PLPP3: variants seen among roughly 807,000 people sequenced by gnomAD.
PLPP3 encodes phospholipid phosphatase 3.
Under a neutral mutation model 29.6 loss-of-function variants are expected in PLPP3, and 6 were observed. That is an observed-to-expected ratio of 0.20 (90% CI 0.11 to 0.40). The LOEUF (loss-of-function observed/expected upper bound fraction) is 0.40, where lower values mean the gene tolerates loss of function less well. Among genes scored for constraint, PLPP3 ranks in the 10% least tolerant of loss-of-function variants. The pLI is 1.00. For synonymous variants in PLPP3, 152 were observed against 159.7 expected (o/e 0.95, Z 0.36); for missense variants, 308 against 407.7 (o/e 0.76, Z 2.11).
At chr1:56,542,802 G>C (rs1241281883) in intron 1 of PLPP3, among the ~76,000 whole-genome samples, 1 of 151,978 alleles carries the variant, frequency 6.6e-6, no homozygotes, top group East Asian at 1.9e-4. Context: ...CAGTTGCATT[G>C]CTTGAGCTCA....
chr1:56,549,146 A>C (rs1646023129), intron 1 of PLPP3, among the ~76,000 whole-genome samples: 1 of 152,224 alleles, frequency 6.6e-6, no homozygotes, highest in Non-Finnish European at 1.5e-5. Context: ...TTGGGAAAAA[A>C]GGTTTCTACT....
chr1:56,512,198 C>T (rs1569868772), intron 4 of PLPP3, 46 bp from the exon 5 acceptor site: 1 of 1,472,624 alleles, frequency 6.8e-7, no homozygotes, highest in South Asian at 1.4e-5. Context: ...TGACTCCCCA[C>T]TCACATGCAC....
chr1:56,552,275 G>A (rs1029344048), intron 1 of PLPP3, among the ~76,000 whole-genome samples: 1 of 151,488 alleles, frequency 6.6e-6, no homozygotes, highest in Non-Finnish European at 1.5e-5. Flanking sequence ...GACTGATTCC[G>A]GGCCCTGCCC....
At chr1:56,548,709 A>G (rs1394101135) in intron 1 of PLPP3, among the ~76,000 whole-genome samples, 1 of 152,174 alleles carries the variant, frequency 6.6e-6, no homozygotes. Flanking sequence ...ATGTGACAAG[A>G]ACTTCCACAG....
At chr1:56,561,760 C>G (rs1303256698) in intron 1 of PLPP3, among the ~76,000 whole-genome samples, 2 of 151,942 alleles carry the variant, frequency 1.3e-5, no homozygotes, top group Non-Finnish European at 2.9e-5. Flanking sequence ...TTTGGCTGAG[C>G]ACGGTGGCTC....
At chr1:56,545,363 T>C (rs1316568045) in intron 1 of PLPP3, among the ~76,000 whole-genome samples, 3 of 152,220 alleles carry the variant, frequency 2.0e-5, no homozygotes, top group Non-Finnish European at 2.9e-5. Flanking sequence ...CTTGCTCTTA[T>C]ATGTGACAGG....
intron 1 of PLPP3, among the ~76,000 whole-genome samples, chr1:56,544,847 C>G (rs924187110): frequency 1.3e-5 from 2 of 152,212 alleles, no homozygotes; most frequent in Admixed American, 6.5e-5. Context: ...TGGAACCATA[C>G]AGATCCAGCC....
chr1:56,495,849 G>T lies in PLPP3; in HGVS notation c.*702C>A, dbSNP rs1258012066. The T allele has an allele frequency of 6.5e-6, 1 of 152,696 alleles. No individual in the cohort carries two copies. The highest frequency in any genetic ancestry group is 1.5e-5 in the Non-Finnish European group (1 of 68,048). The allele number at this position is 152,696 out of a possible 1,614,324, so 9.5% of individuals were successfully genotyped here. ...AACATCACAGGATGATGCGTCAAAAGAAGAAAAGTGAGGGCCTGTGCCCTC... is the reference window on the plus strand; with the variant it reads ...AACATCACAGGATGATGCGTCAAAATAAGAAAAGTGAGGGCCTGTGCCCTC... On this transcript the variant is annotated 3_prime_UTR_variant, in exon 6 of 6. Coordinates refer to ENST00000371250, the MANE Select transcript of PLPP3 (RefSeq NM_003713.5).
chr1:56,547,234 AT>A (rs1485475599), intron 1 of PLPP3, among the ~76,000 whole-genome samples: 1 of 152,158 alleles, frequency 6.6e-6, no homozygotes, highest in Non-Finnish European at 1.5e-5. Flanking sequence ...GGTTCATGTT[AT>A]TTATCTCTGT....
chr1:56,510,694 C>T (rs116774711), intron 5 of PLPP3, among the ~76,000 whole-genome samples: 560 of 152,324 alleles, frequency 3.7e-3, no homozygotes, highest in Middle Eastern at 0.01. Context: ...GAAATAACTT[C>T]CTACAGTGTT....
chr1:56,552,285 C>G (rs1156796745), intron 1 of PLPP3, among the ~76,000 whole-genome samples: 6 of 151,462 alleles, frequency 4.0e-5, no homozygotes, highest in African/African-American at 1.5e-4. Context: ...GGGCCCTGCC[C>G]AGATCTACGT....
At chr1:56,506,813 T>G (rs557973677) in intron 5 of PLPP3, among the ~76,000 whole-genome samples, 1 of 152,222 alleles carries the variant, frequency 6.6e-6, no homozygotes, top group Non-Finnish European at 1.5e-5. Context: ...TTTTTTTTTA[T>G]TCGTCTGTCT....
intron 1 of PLPP3, among the ~76,000 whole-genome samples, chr1:56,576,664 CCTTATTG>C (rs1470418426): frequency 6.6e-6 from 1 of 152,086 alleles, no homozygotes. Flanking sequence ...GGTCCTGACG[CCTTATTG>C]CTTTTTGGAG....
At chr1:56,578,775 G>GACGGCGCGGCGCGGC in intron 1 of PLPP3, 103 bp downstream of exon 1, 1 of 1,219,056 alleles carries the variant, frequency 8.2e-7, no homozygotes, top group Non-Finnish European at 1.0e-6. Context: ...CCCCGGAGCT[G>GACGGCGCGGCGCGGC]ACGGCGCGGC....
chr1:56,564,237 C>T (rs1646147492), intron 1 of PLPP3, among the ~76,000 whole-genome samples: 2 of 152,152 alleles, frequency 1.3e-5, no homozygotes, highest in Non-Finnish European at 2.9e-5. Context: ...AATACCTCCC[C>T]TTCAGGCTTG....
At chr1:56,541,297 C>T (rs2100271440) in intron 1 of PLPP3, among the ~76,000 whole-genome samples, 1 of 152,176 alleles carries the variant, frequency 6.6e-6, no homozygotes, top group East Asian at 1.9e-4. Context: ...GGCTATTAAA[C>T]AAATACAATT....
chr1:56,541,009 T>C (rs1185676324), intron 1 of PLPP3, among the ~76,000 whole-genome samples: 1 of 152,132 alleles, frequency 6.6e-6, no homozygotes, highest in Admixed American at 6.6e-5. Context: ...AGTCAATACA[T>C]CATAGTACCT....
intron 1 of PLPP3, among the ~76,000 whole-genome samples, chr1:56,576,175 C>T (rs1431847097): frequency 1.3e-5 from 2 of 152,130 alleles, no homozygotes; most frequent in Non-Finnish European, 2.9e-5. Flanking sequence ...TTACATAACA[C>T]TGACATAGCA....
intron 1 of PLPP3, among the ~76,000 whole-genome samples, chr1:56,569,653 C>T (rs1444992950): frequency 6.6e-6 from 1 of 152,124 alleles, no homozygotes; most frequent in Non-Finnish European, 1.5e-5. Flanking sequence ...ATTTGCTCTC[C>T]TCGTTCACCA....
Sources: allele counts gnomAD v4.1 joint callset (sites outside exome capture counted in the v4.1 genomes callset), GRCh38; gene constraint gnomAD v4.1.1; transcripts MANE v1.5; gene names NCBI Gene and HGNC (gene_info 2026-07-23, HGNC 2026-07-21).